Variants in NLGN1 observed in about 807,000 individuals in gnomAD.
NLGN1 encodes neuroligin-1.
NLGN1 carries 12 observed loss-of-function variants against 65.5 expected under a neutral mutation model. The ratio of observed to expected loss-of-function variants is 0.18; its 90% CI spans 0.12 to 0.30. The LOEUF (loss-of-function observed/expected upper bound fraction) is 0.30, where lower values mean the gene tolerates loss of function less well. Among genes scored for constraint, NLGN1 ranks in the 10% least tolerant of loss-of-function variants. The pLI, the probability that NLGN1 is intolerant of heterozygous loss-of-function variation, is 1.00. For synonymous variants in NLGN1, 350 were observed against 359.5 expected (o/e 0.97, Z 0.30); for missense variants, 750 against 1,007.1 (o/e 0.74, Z 3.46).
At chr3:174,090,334 G>C (rs372677663) in intron 4 of NLGN1, among the ~76,000 whole-genome samples, 2 of 152,032 alleles carry the variant, frequency 1.3e-5, no homozygotes, top group East Asian at 1.9e-4. Flanking sequence ...ATAGCCTGGC[G>C]TGGTGGCAGG....
chr3:173,695,632 C>T (rs1766102456), intron 3 of NLGN1: 1 of 258,426 alleles, frequency 3.9e-6, no homozygotes, highest in East Asian at 1.0e-4. Flanking sequence ...ACATCTTATA[C>T]TTTAAAAATC....
intron 4 of NLGN1, among the ~76,000 whole-genome samples, chr3:173,980,981 C>T (rs886860254): frequency 3.9e-5 from 6 of 152,108 alleles, no homozygotes; most frequent in Admixed American, 6.6e-5. Context: ...ATTTTTATTA[C>T]ATACAATTCT....
chr3:173,847,663 G>A (rs1481040913), intron 4 of NLGN1, among the ~76,000 whole-genome samples: 2 of 152,146 alleles, frequency 1.3e-5, no homozygotes, highest in Admixed American at 6.6e-5. Context: ...CCTGAGGGCA[G>A]GAGTTTGAGA....
chr3:174,160,420 T>C (rs1726267981), intron 4 of NLGN1, among the ~76,000 whole-genome samples: 1 of 151,716 alleles, frequency 6.6e-6, no homozygotes, highest in African/African-American at 2.4e-5. Flanking sequence ...AACTTTTTTT[T>C]CATTATTACA....
chr3:174,189,322 T>TG (rs1731963907), intron 4 of NLGN1, among the ~76,000 whole-genome samples: 1 of 151,992 alleles, frequency 6.6e-6, no homozygotes, highest in Non-Finnish European at 1.5e-5. Flanking sequence ...GATAGAAGAA[T>TG]TATGGAAGAA....
intron 4 of NLGN1, among the ~76,000 whole-genome samples, chr3:174,092,492 CACA>C (rs909729388): frequency 7.9e-5 from 12 of 151,086 alleles, no homozygotes; most frequent in South Asian, 4.2e-4. Flanking sequence ...AAACACTTGT[CACA>C]ACAATTTGCC....
At chr3:174,277,896 G>A (rs368238929) in intron 5 of NLGN1, among the ~76,000 whole-genome samples, 1 of 151,532 alleles carries the variant, frequency 6.6e-6, no homozygotes, top group Non-Finnish European at 1.5e-5. Context: ...AGCTGTATTT[G>A]GAAATTGATA....
intron 4 of NLGN1, among the ~76,000 whole-genome samples, chr3:174,211,691 A>G (rs1223722471): frequency 6.7e-6 from 1 of 149,190 alleles, no homozygotes; most frequent in Non-Finnish European, 1.5e-5. Flanking sequence ...TGAGCTAGAT[A>G]TAAAGGTTCT....
chr3:173,861,097 T>G (rs991597069), intron 4 of NLGN1, among the ~76,000 whole-genome samples: 1 of 152,224 alleles, frequency 6.6e-6, no homozygotes, highest in Non-Finnish European at 1.5e-5. Context: ...GTTTTCACTT[T>G]GTCAAAAATT....
intron 4 of NLGN1, among the ~76,000 whole-genome samples, chr3:173,906,357 TA>T (rs1738386313): frequency 6.6e-6 from 1 of 152,218 alleles, no homozygotes; most frequent in Non-Finnish European, 1.5e-5. Context: ...CTTTGGATCT[TA>T]GTAAGATTCT....
At chr3:173,689,911 G>A (rs1765217359) in intron 3 of NLGN1, among the ~76,000 whole-genome samples, 1 of 152,120 alleles carries the variant, frequency 6.6e-6, no homozygotes, top group South Asian at 2.1e-4. Context: ...CTATTCATGA[G>A]GAATGGGGGT....
intron 4 of NLGN1, among the ~76,000 whole-genome samples, chr3:174,172,271 A>C (rs1275944920): frequency 6.6e-6 from 1 of 152,112 alleles, no homozygotes; most frequent in East Asian, 1.9e-4. Flanking sequence ...CATCACTTCA[A>C]GCATTTATCC....
At chr3:174,265,912 A>G (rs201582316) in intron 4 of NLGN1, among the ~76,000 whole-genome samples, 17 of 95,702 alleles carry the variant, frequency 1.8e-4, no homozygotes, top group East Asian at 5.3e-4. Flanking sequence ...ATGTGTATAT[A>G]TGTATATATG....
At chr3:173,411,003 T>C (rs1306892018) in intron 1 of NLGN1, among the ~76,000 whole-genome samples, 1 of 152,224 alleles carries the variant, frequency 6.6e-6, no homozygotes, top group Non-Finnish European at 1.5e-5. Context: ...GCCATTGTTC[T>C]TCACAGTTAC....
chr3:173,852,991 T>C (rs1037676394), intron 4 of NLGN1, among the ~76,000 whole-genome samples: 2 of 152,208 alleles, frequency 1.3e-5, no homozygotes, highest in African/African-American at 4.8e-5. Context: ...ACCTATGTTA[T>C]TGCTATTTGA....
intron 3 of NLGN1, among the ~76,000 whole-genome samples, chr3:173,696,503 T>C (rs1321226815): frequency 1.3e-5 from 2 of 152,208 alleles, no homozygotes; most frequent in Non-Finnish European, 2.9e-5. Context: ...AGCCCATTGC[T>C]GAGCCAATCA....
At chr3:173,562,307 G>A (rs572056876) in intron 2 of NLGN1, among the ~76,000 whole-genome samples, 17 of 152,156 alleles carry the variant, frequency 1.1e-4, no homozygotes, top group Admixed American at 4.6e-4. Context: ...TGTGGCTCAC[G>A]CCTGTAATCC....
At chr3:174,001,435 G>T (rs892405862) in intron 4 of NLGN1, among the ~76,000 whole-genome samples, 3 of 152,034 alleles carry the variant, frequency 2.0e-5, no homozygotes, top group Non-Finnish European at 4.4e-5. Context: ...TATTAATTCA[G>T]CACCTACTCT....
At chr3:174,266,994 C>T (rs987105249) in intron 4 of NLGN1, among the ~76,000 whole-genome samples, 1 of 151,762 alleles carries the variant, frequency 6.6e-6, no homozygotes, top group African/African-American at 2.4e-5. Flanking sequence ...TATATTAAGC[C>T]CCCTGCATAC....
Sources: allele counts gnomAD v4.1 joint callset (sites outside exome capture counted in the v4.1 genomes callset), GRCh38; gene constraint gnomAD v4.1.1; transcripts MANE v1.5; gene names NCBI Gene and HGNC (gene_info 2026-07-23, HGNC 2026-07-21).